Variants in CCSER1 observed in about 807,000 individuals in gnomAD.
The protein encoded by CCSER1 is coiled-coil serine rich protein 1.
A neutral mutation model predicts 82.0 loss-of-function variants in CCSER1; 41 were observed. That is an observed-to-expected ratio of 0.50 (90% CI 0.39 to 0.65). CCSER1 has a LOEUF of 0.65. Ranked by LOEUF, CCSER1 falls within the 30% of genes least tolerant of loss-of-function variation. The pLI is 0.00. For missense variants in CCSER1, 1,119 were observed against 1,064.2 expected (o/e 1.05, Z -0.72); for synonymous variants, 414 against 383.9 (o/e 1.08, Z -0.92).
In CCSER1 at chr4:91,013,133, A is replaced by G. The variant is rs1581334406; in HGVS notation, c.2173-72817A>G. Among the ~76,000 whole-genome samples the G allele has an allele frequency of 1.5e-5, 2 of 134,802 alleles. 1 individual carries two copies. The highest frequency in any genetic ancestry group is 3.5e-5 in the Non-Finnish European group (2 of 57,930). The allele number at this position is 134,802 out of a possible 152,430, so 88.4% of individuals were successfully genotyped here. A position where few individuals can be genotyped will look rare whatever the true frequency, so the allele number is the denominator to read the frequency against. ...ACTGTATTTGTCAAGGGAACGAAAG[A>G]TAAGGGCTTCTAATCAACCATTTTG... On this transcript the variant is annotated intron_variant, in intron 9 of 10. Coordinates refer to ENST00000509176, the MANE Select transcript of CCSER1 (RefSeq NM_001145065.2).
Position 91,521,437 on chromosome 4 carries a change from T to C in CCSER1, c.2218-77135T>C, listed in dbSNP as rs186728675. Among the ~76,000 whole-genome samples the C allele has an allele frequency of 3.1e-4, 47 of 152,320 alleles. No homozygotes were observed. The East Asian group carries it at 8.9e-3, about 29-fold the overall frequency. On this transcript the variant is annotated intron_variant, in intron 10 of 10. Coordinates refer to ENST00000509176, the MANE Select transcript of CCSER1 (RefSeq NM_001145065.2). ...GTCAAATGGTATTTCTAGTTCTAGA[T>C]CCTTGAGGAAATGGCACACTGTCTT... is the stretch of plus-strand genomic sequence containing the variant.
At chr4:91,183,243 C>T (rs192823575) in intron 10 of CCSER1, among the ~76,000 whole-genome samples, 8 of 152,248 alleles carry the variant, frequency 5.3e-5, no homozygotes, top group Non-Finnish European at 7.4e-5. Context: ...TCAGAAATCA[C>T]ATTAATAGGC....
At chr4:90,583,794 G>GA (rs957410865) in intron 5 of CCSER1, among the ~76,000 whole-genome samples, 2 of 151,576 alleles carry the variant, frequency 1.3e-5, no homozygotes, top group Admixed American at 1.3e-4. Flanking sequence ...AATATTCAAG[G>GA]AAAAAAACTG....
chr4:91,015,892 A>G (rs1739389288), intron 9 of CCSER1, among the ~76,000 whole-genome samples: 1 of 152,142 alleles, frequency 6.6e-6, no homozygotes, highest in African/African-American at 2.4e-5. Context: ...CATTAGAACT[A>G]TTAAATATAA....
At chr4:91,317,603 C>T (rs539837082) in intron 10 of CCSER1, among the ~76,000 whole-genome samples, 42 of 148,444 alleles carry the variant, frequency 2.8e-4, no homozygotes, top group South Asian at 8.4e-4. Flanking sequence ...TGTGTGTGTG[C>T]GTGTGTGTGT....
intron 5 of CCSER1, among the ~76,000 whole-genome samples, chr4:90,604,987 C>G (rs1297697193): frequency 1.4e-5 from 2 of 145,650 alleles, no homozygotes; most frequent in Non-Finnish European, 1.5e-5. Context: ...CCAGCAGCGG[C>G]AACTGAGTGA....
At chr4:90,606,970 T>G (rs960689412) in intron 5 of CCSER1, among the ~76,000 whole-genome samples, 2 of 152,210 alleles carry the variant, frequency 1.3e-5, no homozygotes, top group African/African-American at 4.8e-5. Context: ...GGTATTTTCA[T>G]AAGTTCCCTA....
chr4:91,072,916 A>G (rs113903442), intron 9 of CCSER1, among the ~76,000 whole-genome samples: 1 of 152,120 alleles, frequency 6.6e-6, no homozygotes. Context: ...TGTTACATAC[A>G]TATGTGTATA....
At chr4:90,282,116 A>G (rs1336283666) in intron 1 of CCSER1, among the ~76,000 whole-genome samples, 1 of 152,024 alleles carries the variant, frequency 6.6e-6, no homozygotes, top group African/African-American at 2.4e-5. Flanking sequence ...ACCATATGGT[A>G]TCTTGGTTTT....
At chr4:90,547,524 A>G (rs183991552) in intron 5 of CCSER1, among the ~76,000 whole-genome samples, 1 of 151,934 alleles carries the variant, frequency 6.6e-6, no homozygotes, top group African/African-American at 2.4e-5. Flanking sequence ...GAACTGTCTT[A>G]TGGACTAGGT....
chr4:90,189,342 A>G (rs1385536135), intron 1 of CCSER1, among the ~76,000 whole-genome samples: 1 of 151,886 alleles, frequency 6.6e-6, no homozygotes, highest in Non-Finnish European at 1.5e-5. Context: ...TATAGAATAG[A>G]TAGTCAGGTC....
intron 1 of CCSER1, among the ~76,000 whole-genome samples, chr4:90,168,337 G>C (rs984601838): frequency 6.6e-6 from 1 of 151,880 alleles, no homozygotes; most frequent in African/African-American, 2.4e-5. Flanking sequence ...TTTTTTTCTT[G>C]TAAATTTGTT....
At chr4:91,558,103 T>TA (rs547310996) in intron 10 of CCSER1, among the ~76,000 whole-genome samples, 4 of 121,338 alleles carry the variant, frequency 3.3e-5, no homozygotes, top group Non-Finnish European at 7.2e-5. Context: ...TACCTTTTAA[T>TA]AAAAAAAATA....
chr4:90,806,293 A>G (rs1757500906), intron 7 of CCSER1, among the ~76,000 whole-genome samples: 1 of 152,174 alleles, frequency 6.6e-6, no homozygotes, highest in African/African-American at 2.4e-5. Context: ...ATTAGCATCT[A>G]TCCAGTTTAA....
intron 9 of CCSER1, among the ~76,000 whole-genome samples, chr4:90,923,714 G>A (rs1473922808): frequency 6.6e-6 from 1 of 152,142 alleles, no homozygotes; most frequent in African/African-American, 2.4e-5. Flanking sequence ...TTGCAGACAT[G>A]TAGAAGATAT....
intron 10 of CCSER1, among the ~76,000 whole-genome samples, chr4:91,134,292 G>C (rs1365934997): frequency 6.6e-6 from 1 of 151,914 alleles, no homozygotes; most frequent in Admixed American, 6.6e-5. Context: ...AGCTACTTGG[G>C]AGGCTGAGGT....
intron 5 of CCSER1, among the ~76,000 whole-genome samples, chr4:90,501,553 G>A (rs1769886274): frequency 1.3e-5 from 2 of 152,146 alleles, no homozygotes; most frequent in Admixed American, 1.3e-4. Flanking sequence ...ATCTATGACA[G>A]TTCAACTGTT....
At chr4:90,832,904 T>C (rs1244835214) in intron 8 of CCSER1, among the ~76,000 whole-genome samples, 3 of 152,208 alleles carry the variant, frequency 2.0e-5, no homozygotes, top group Non-Finnish European at 4.4e-5. Context: ...AAGAACCAAA[T>C]CTACTGATAA....
chr4:90,461,661 C>A (rs557501932), intron 4 of CCSER1, among the ~76,000 whole-genome samples: 2 of 152,244 alleles, frequency 1.3e-5, no homozygotes, highest in East Asian at 1.9e-4. Context: ...TGGCTAGCAT[C>A]TTTTCTTTTC....
Sources: allele counts gnomAD v4.1 joint callset (sites outside exome capture counted in the v4.1 genomes callset), GRCh38; gene constraint gnomAD v4.1.1; transcripts MANE v1.5; gene names NCBI Gene and HGNC (gene_info 2026-07-23, HGNC 2026-07-21).